Variants in TTLL5 observed in about 807,000 individuals in gnomAD.
TTLL5 encodes tubulin tyrosine ligase like 5, also known as tubulin polyglutamylase TTLL5.
Under a neutral mutation model 168.4 loss-of-function variants are expected in TTLL5, and 132 were observed. The observed-to-expected ratio is 0.78, with a 90% CI of 0.68 to 0.91. The LOEUF (loss-of-function observed/expected upper bound fraction) is 0.91, where lower values mean the gene tolerates loss of function less well. Among genes scored for constraint, TTLL5 ranks in the 40% least tolerant of loss-of-function variants. The probability of loss-of-function intolerance (pLI) is 0.00; values close to 1 mark genes in which losing one functional copy is unlikely to be tolerated. For missense variants in TTLL5, 1,545 were observed against 1,581.5 expected (o/e 0.98, Z 0.39); for synonymous variants, 546 against 558.6 (o/e 0.98, Z 0.32).
intron 27 of TTLL5, among the ~76,000 whole-genome samples, chr14:75,817,016 C>G (rs1382657116): frequency 8.0e-6 from 1 of 124,726 alleles, no homozygotes; most frequent in African/African-American, 3.0e-5. Context: ...GAGTCTCGCT[C>G]TGTCGCCAGG....
intron 21 of TTLL5, among the ~76,000 whole-genome samples, chr14:75,772,431 G>A (rs1378693923): frequency 6.6e-6 from 1 of 152,172 alleles, no homozygotes; most frequent in Non-Finnish European, 1.5e-5. Flanking sequence ...CATAGGCCCT[G>A]TCAGAATATA....
At position 75,805,667 on chromosome 14, in the gene TTLL5, A is replaced by G. The variant is rs941099379; in HGVS notation, c.3171+12567A>G. 4.6e-5 allele frequency among the ~76,000 whole-genome samples: 7 copies of G among 152,180 alleles called. 1 individual carries two copies. In the South Asian group the frequency reaches 1.5e-3, roughly 32 times the overall value. ...TATTGCAGAACATTCAAAATACTTG[A>G]TGTATTTTGAACATATTTTGAAAAT... On this transcript the variant is annotated intron_variant, in intron 27 of 31. Coordinates refer to ENST00000298832, the MANE Select transcript of TTLL5 (RefSeq NM_015072.5).
chr14:75,768,926 G>A (rs1595003124), intron 20 of TTLL5, among the ~76,000 whole-genome samples: 2 of 152,154 alleles, frequency 1.3e-5, no homozygotes, highest in South Asian at 2.1e-4. Flanking sequence ...CCAACTGGCC[G>A]TGTGGTCATA....
At chr14:75,837,083 T>C (rs911641974) in intron 28 of TTLL5, 4 of 152,250 alleles carry the variant, frequency 2.6e-5, no homozygotes, top group African/African-American at 9.6e-5. Flanking sequence ...TGGGTGTTTC[T>C]GGCTCAAATT....
chr14:75,851,960 A>T (rs1012249417), intron 28 of TTLL5, among the ~76,000 whole-genome samples: 2 of 152,228 alleles, frequency 1.3e-5, no homozygotes, highest in Non-Finnish European at 2.9e-5. Flanking sequence ...AATAATAGCT[A>T]ATGTTTACTG....
chr14:75,821,974 C>A (rs981002978), intron 28 of TTLL5, among the ~76,000 whole-genome samples: 1 of 152,146 alleles, frequency 6.6e-6, no homozygotes, highest in South Asian at 2.1e-4. Context: ...TCCTCTACCC[C>A]CAGGTGACCT....
intron 9 of TTLL5, among the ~76,000 whole-genome samples, chr14:75,713,043 G>A (rs543456344): frequency 1.3e-5 from 2 of 152,232 alleles, no homozygotes; most frequent in East Asian, 1.9e-4. Context: ...AAGGTCTGTC[G>A]TGAGAACTTT....
chr14:75,798,383 A>T (rs1197487676), intron 27 of TTLL5, among the ~76,000 whole-genome samples: 4 of 144,674 alleles, frequency 2.8e-5, no homozygotes, highest in African/African-American at 1.0e-4. Context: ...AATTTTGTTT[A>T]TTTATTTTTT....
chr14:75,701,845 C>T (rs1886300013), intron 7 of TTLL5, among the ~76,000 whole-genome samples: 1 of 152,180 alleles, frequency 6.6e-6, no homozygotes, highest in South Asian at 2.1e-4. Context: ...CTCTTTTGGA[C>T]TTTTCTGGCT....
chr14:75,885,233 G>A (rs1332658064), intron 30 of TTLL5, among the ~76,000 whole-genome samples: 1 of 151,792 alleles, frequency 6.6e-6, no homozygotes, highest in Non-Finnish European at 1.5e-5. Context: ...GCTCACGCCT[G>A]TAATCCCAGC....
At chr14:75,944,020 G>A (rs1339945329) in intron 31 of TTLL5, among the ~76,000 whole-genome samples, 3 of 152,076 alleles carry the variant, frequency 2.0e-5, no homozygotes, top group African/African-American at 4.8e-5. Flanking sequence ...CTTTCGAGTC[G>A]CCTGCTTAGC....
intron 26 of TTLL5, among the ~76,000 whole-genome samples, chr14:75,787,311 AAAAG>A (rs1169232643): frequency 6.6e-6 from 1 of 152,220 alleles, no homozygotes; most frequent in African/African-American, 2.4e-5. Context: ...AAAAATTGAA[AAAAG>A]AAATACGAGA....
In TTLL5 at chr14:75,755,224, C is replaced by G. The variant is rs113536767; in HGVS notation, c.1550+2269C>G. On this transcript the variant is annotated intron_variant, in intron 18 of 31. Transcript: ENST00000298832. ...AGGTTGCTCTGAGCTAAGATCGCAC[C>G]ATTGCATTCCAGCCTGGGCAACCAG... Among the ~76,000 whole-genome samples the G allele has an allele frequency of 6.3e-3, 951 of 151,812 alleles. 7 individuals are homozygous for G. The highest frequency in any genetic ancestry group is 9.8e-3 in the Non-Finnish European group (669 of 67,938).
chr14:75,862,016 C>G (rs780340124), intron 28 of TTLL5, among the ~76,000 whole-genome samples: 1 of 152,196 alleles, frequency 6.6e-6, no homozygotes, highest in Non-Finnish European at 1.5e-5. Flanking sequence ...TTCCTATTCC[C>G]TAATTCCATA....
intron 27 of TTLL5, chr14:75,818,385 G>T: frequency 4.3e-6 from 1 of 234,696 alleles, no homozygotes; most frequent in Non-Finnish European, 8.4e-6. Context: ...TGTGTTTAAA[G>T]AAATTTGGAT....
chr14:75,874,830 G>A (rs1299893526), intron 29 of TTLL5, among the ~76,000 whole-genome samples: 2 of 151,504 alleles, frequency 1.3e-5, no homozygotes, highest in Non-Finnish European at 2.9e-5. Context: ...ATGCGTGTGT[G>A]TGTGTGCGTG....
intron 30 of TTLL5, among the ~76,000 whole-genome samples, chr14:75,898,129 A>G (rs2032756389): frequency 6.6e-6 from 1 of 152,218 alleles, no homozygotes; most frequent in Non-Finnish European, 1.5e-5. Flanking sequence ...ATGACCAGAG[A>G]ACATCAGATA....
At chr14:75,901,075 C>G (rs147678955) in intron 30 of TTLL5, among the ~76,000 whole-genome samples, 3 of 152,142 alleles carry the variant, frequency 2.0e-5, no homozygotes, top group Admixed American at 6.5e-5. Flanking sequence ...TTTGATCTCT[C>G]AGGTACAACT....
intron 27 of TTLL5, among the ~76,000 whole-genome samples, chr14:75,816,360 C>T (rs1408965497): frequency 1.3e-5 from 2 of 152,186 alleles, no homozygotes; most frequent in Admixed American, 1.3e-4. Context: ...GTAGATGTTG[C>T]AGTGAGCCAA....
Sources: allele counts gnomAD v4.1 joint callset (sites outside exome capture counted in the v4.1 genomes callset), GRCh38; gene constraint gnomAD v4.1.1; transcripts MANE v1.5; gene names NCBI Gene and HGNC (gene_info 2026-07-23, HGNC 2026-07-21).